DMTF1: variants seen among roughly 807,000 people sequenced by gnomAD.
DMTF1 encodes the protein cyclin D binding myb like transcription factor 1, also known as cyclin-D-binding Myb-like transcription factor 1.
In DMTF1, 39 loss-of-function variants were observed where a neutral mutation model predicts 91.1. The ratio of observed to expected loss-of-function variants is 0.43; its 90% CI spans 0.33 to 0.56. DMTF1 has a LOEUF of 0.56. Among genes scored for constraint, DMTF1 ranks in the 20% least tolerant of loss-of-function variants. DMTF1 has a pLI of 0.05. For synonymous variants in DMTF1, 338 were observed against 309.5 expected, an observed-to-expected ratio of 1.09 and a Z score of -0.97; for missense variants, 750 against 914.5, an observed-to-expected ratio of 0.82 and a Z score of 2.32.
chr7:87,175,571 G>A (rs139364880), intron 7 of DMTF1, among the ~76,000 whole-genome samples: 2 of 152,250 alleles, frequency 1.3e-5, no homozygotes, highest in East Asian at 3.9e-4. Flanking sequence ...GTGTTAGAAA[G>A]CCTGGTATCA....
At chr7:87,180,669 G>A (rs1158136285) in intron 8 of DMTF1, among the ~76,000 whole-genome samples, 1 of 152,058 alleles carries the variant, frequency 6.6e-6, no homozygotes, top group Non-Finnish European at 1.5e-5. Flanking sequence ...TTTTTTTGGA[G>A]TAGTTATGAT....
At chr7:87,185,011 C>T (rs1798109183) in intron 11 of DMTF1, 1 of 393,126 alleles carries the variant, frequency 2.5e-6, no homozygotes, top group Non-Finnish European at 5.0e-6. Context: ...CCCTTCAATC[C>T]TTGGCTACTG....
Position 87,171,084 on chromosome 7 carries a change from A to T in DMTF1, c.322A>T (p.Ile108Leu). The T allele has an allele frequency of 6.3e-7, 1 of 1,595,758 alleles. No individual in the cohort carries two copies. The highest frequency in any genetic ancestry group is 1.1e-5 in the South Asian group (1 of 90,206). ...GGTTACTGAGGGGACTGTGACACAG[A>T]TACAGGTATAGTAAATCTTTTAACT... ...DEVTEGTVTQ[I>L]QILQNEQLDE... Residue 108 changes from isoleucine (I) to leucine (L), a missense_variant, in exon 5 of 18, where the codon ATA becomes TTA. Physicochemically the swap from Ile to Leu is conservative, Grantham distance 5. Transcript: ENST00000331242.
intron 1 of DMTF1, among the ~76,000 whole-genome samples, chr7:87,155,995 G>A (rs1013569475): frequency 3.3e-5 from 5 of 151,972 alleles, no homozygotes; most frequent in South Asian, 2.1e-4. Flanking sequence ...TTTTAGTGCC[G>A]GTGTATATTT....
At chr7:87,165,456 C>T (rs535765252) in intron 3 of DMTF1, among the ~76,000 whole-genome samples, 37 of 152,064 alleles carry the variant, frequency 2.4e-4, no homozygotes, top group Non-Finnish European at 5.0e-4. Flanking sequence ...CAATAGCTTT[C>T]CAGCTGATAA....
At chr7:87,162,010 G>A (rs538480240) in intron 1 of DMTF1, among the ~76,000 whole-genome samples, 4 of 152,150 alleles carry the variant, frequency 2.6e-5, no homozygotes, top group Admixed American at 2.0e-4. Flanking sequence ...TTCAGTATGG[G>A]TTAAGGAAAT....
intron 1 of DMTF1, among the ~76,000 whole-genome samples, chr7:87,161,651 C>G (rs1467194821): frequency 4.6e-5 from 7 of 152,192 alleles, no homozygotes; most frequent in Admixed American, 6.5e-5. Context: ...ATTCACTAAT[C>G]TCTAACATGA....
At chr7:87,191,057 T>G in intron 14 of DMTF1, 30 bp downstream of exon 14, 8 of 1,381,282 alleles carry the variant, frequency 5.8e-6, no homozygotes, top group Non-Finnish European at 8.1e-6. Context: ...TATTGGCCAT[T>G]TTTATGCATG....
At chr7:87,173,800 A>C in intron 6 of DMTF1, 151 bp downstream of exon 6, 1 of 404,532 alleles carries the variant, frequency 2.5e-6, no homozygotes. Flanking sequence ...TTTGGCCCCA[A>C]ATGACTTTGA....
At chr7:87,192,164 A>G (rs1163455720) in intron 14 of DMTF1, among the ~76,000 whole-genome samples, 1 of 152,102 alleles carries the variant, frequency 6.6e-6, no homozygotes, top group East Asian at 1.9e-4. Flanking sequence ...TGGGGTCACA[A>G]TATTTAGGCT....
Position 87,194,072 on chromosome 7 carries a change from C to G in DMTF1, c.1998C>G (p.Pro666=), listed in dbSNP as rs758901327. ...CCGACCTTAAACAAGAGGAATCACC[C>G]TCTGATTTAGCCAGTGCTTATGTTA... ...SDTDLKQEES[P]SDLASAYVTE... Residue 666 remains proline (P), a synonymous_variant, in exon 16 of 18, where the codon CCC becomes CCG. Transcript: ENST00000331242. The G allele has an allele frequency of 6.2e-7, 1 of 1,607,114 alleles. No homozygotes were observed.
rs1025446081 is a variant in DMTF1, at chr7:87,174,738, A to G, written c.519+69A>G. 5 of 1,076,908 alleles carry G rather than the reference A, an allele frequency of 4.6e-6. No homozygotes were observed. In the African/African-American group the frequency reaches 4.7e-5, roughly 10 times the overall value. The allele number at this position is 1,076,908 out of a possible 1,614,324, so 66.7% of individuals were successfully genotyped here. A position where few individuals can be genotyped will look rare whatever the true frequency, so the allele number is the denominator to read the frequency against. The stretch of plus-strand genomic sequence containing the variant: ...CCAATTGCAAAAATATCAACACAGA[A>G]TGTTGTGTGCACTTATTAGGAGCTT... On this transcript the variant is annotated intron_variant, in intron 7 of 17. Transcript: ENST00000331242.
rs1288043928 is a variant in DMTF1, at chr7:87,194,484, T to TA, written c.2029-199dup. 5.7e-6 allele frequency: 3 copies of TA among 525,310 alleles called. No homozygotes were observed. In the African/African-American group the frequency reaches 5.8e-5, roughly 10 times the overall value. 32.5% of individuals were successfully genotyped at this position (525,310 alleles called of 1,614,324 possible). On this transcript the variant is annotated intron_variant, in intron 16 of 17. Transcript: ENST00000331242. ...ATATTCAGCTGACCTATAACTGACC[T>TA]AGTCCTTATGAGTTCCTTTTGTTAA... is the stretch of plus-strand genomic sequence containing the variant.
At chr7:87,160,017 G>T (rs534790876) in intron 1 of DMTF1, among the ~76,000 whole-genome samples, 1 of 152,182 alleles carries the variant, frequency 6.6e-6, no homozygotes, top group African/African-American at 2.4e-5. Context: ...CTGTTTTCCA[G>T]ATAAACCAAA....
At chr7:87,181,900 G>T in intron 9 of DMTF1, 1 of 638,622 alleles carries the variant, frequency 1.6e-6, no homozygotes, top group Non-Finnish European at 2.4e-6. Context: ...GAGTTTGTTG[G>T]GTATATGCTC....
rs1800301510 is a variant in DMTF1 at position 87,193,187 on chromosome 7, T to C, written c.1495-11T>C. On this transcript the variant is annotated splice_polypyrimidine_tract_variant and intron_variant, in intron 14 of 17. Coordinates refer to ENST00000331242, the MANE Select transcript of DMTF1 (RefSeq NM_001142327.2). ...TAATCATTGTTAAACTATCTTTCCT[T>C]TTTCCTTTAGTCTTTCCATCTACAG... 6.2e-7 allele frequency: 1 copy of C among 1,612,290 alleles called. No homozygotes were observed. The highest frequency in any genetic ancestry group is 1.1e-5 in the South Asian group (1 of 90,984).
rs573127984 is a variant in DMTF1 at position 87,181,304 on chromosome 7, T to C, written c.678-5T>C. The C allele has an allele frequency of 3.2e-5, 40 of 1,250,336 alleles. No homozygotes were observed. Among genetic ancestry groups the C allele is most frequent in the Non-Finnish European group, 4.6e-5 (40 of 878,786 alleles). The allele number at this position is 1,250,336 out of a possible 1,614,324, so 77.5% of individuals were successfully genotyped here. A position where few individuals can be genotyped will look rare whatever the true frequency, so the allele number is the denominator to read the frequency against. ...GATTTTTTAAAAATTTCTCTGAATT[T>C]CTAGATATACACCTGAAGAAATTGA... On this transcript the variant is annotated splice_polypyrimidine_tract_variant and splice_region_variant and intron_variant, in intron 8 of 17. Transcript: ENST00000331242.
At chr7:87,161,213 C>T (rs184563725) in intron 1 of DMTF1, among the ~76,000 whole-genome samples, 3 of 152,036 alleles carry the variant, frequency 2.0e-5, no homozygotes, top group Admixed American at 6.5e-5. Context: ...TTTAGGATGA[C>T]GGGACCAGGC....
At chr7:87,194,155 C>T (rs1007537173) in intron 16 of DMTF1, 53 bp downstream of exon 16, 3 of 1,501,916 alleles carry the variant, frequency 2.0e-6, no homozygotes, top group Non-Finnish European at 2.7e-6. Context: ...AGCCTCAAAC[C>T]TGCAGTTTGG....
Sources: gnomAD v4.1 joint callset for allele counts (sites outside exome capture counted in the v4.1 genomes callset) on GRCh38, gnomAD v4.1.1 for gene constraint, MANE v1.5 for transcripts, NCBI Gene and HGNC (gene_info 2026-07-23, HGNC 2026-07-21) for gene names.